The following ZFAT variants were observed in gnomAD, a reference collection of about 807,000 sequenced individuals.
ZFAT encodes the protein zinc finger and AT-hook domain containing, also known as zinc finger protein ZFAT.
Under a neutral mutation model 117.7 loss-of-function variants are expected in ZFAT, and 64 were observed. The ratio of observed to expected loss-of-function variants is 0.54; its 90% CI spans 0.44 to 0.67. ZFAT has a LOEUF of 0.67. Ranked by LOEUF, ZFAT falls within the 30% of genes least tolerant of loss-of-function variation. The pLI, the probability that ZFAT is intolerant of heterozygous loss-of-function variation, is 0.00. For synonymous variants in ZFAT, 679 were observed against 615.0 expected (o/e 1.10, Z -1.54); for missense variants, 1,433 against 1,584.5 (o/e 0.90, Z 1.62).
intron 15 of ZFAT, among the ~76,000 whole-genome samples, chr8:134,507,808 C>G (rs1414397126): frequency 6.6e-6 from 1 of 152,184 alleles, no homozygotes; most frequent in African/African-American, 2.4e-5. Context: ...CCTTCCTGCA[C>G]TCTCAAAAGG....
At chr8:134,487,472 T>C (rs1473600915) in intron 15 of ZFAT, among the ~76,000 whole-genome samples, 2 of 152,158 alleles carry the variant, frequency 1.3e-5, no homozygotes, top group South Asian at 2.1e-4. Flanking sequence ...CCTCAGCTAG[T>C]AACAGGTGAT....
At chr8:134,539,602 A>G (rs2130618228) in intron 11 of ZFAT, among the ~76,000 whole-genome samples, 1 of 152,340 alleles carries the variant, frequency 6.6e-6, no homozygotes, top group African/African-American at 2.4e-5. Flanking sequence ...ACAGAGATAG[A>G]CATACAGAAG....
At chr8:134,729,907 T>C in the ZFAT span, among the ~76,000 whole-genome samples, 1 of 152,240 alleles carries the variant, frequency 6.6e-6, no homozygotes, top group East Asian at 1.9e-4. Context: ...TGGATTTTTC[T>C]TTTGCAATAT....
chr8:134,546,193 T>C (rs1039269132), intron 11 of ZFAT, among the ~76,000 whole-genome samples: 2 of 152,238 alleles, frequency 1.3e-5, no homozygotes, highest in African/African-American at 2.4e-5. Flanking sequence ...TAGGAATTTC[T>C]CTCTAAAGAC....
At chr8:134,767,628 A>G in the ZFAT span, among the ~76,000 whole-genome samples, 103 of 152,270 alleles carry the variant, frequency 6.8e-4, 1 homozygote, top group African/African-American at 2.2e-3. Context: ...CTTGAGCCCA[A>G]GAATTTGAAA....
chr8:134,725,492 G>T, the ZFAT span, among the ~76,000 whole-genome samples: 1 of 152,032 alleles, frequency 6.6e-6, no homozygotes, highest in African/African-American at 2.4e-5. Flanking sequence ...ACGGGGAGAG[G>T]TGCTACACGC....
intron 1 of ZFAT, among the ~76,000 whole-genome samples, chr8:134,700,494 C>T (rs1004835278): frequency 6.6e-6 from 1 of 152,204 alleles, no homozygotes; most frequent in Non-Finnish European, 1.5e-5. Flanking sequence ...GCACCTCCAG[C>T]AGGAGAGCAG....
intron 15 of ZFAT, among the ~76,000 whole-genome samples, chr8:134,496,081 G>A (rs183595875): frequency 6.6e-6 from 1 of 152,346 alleles, no homozygotes; most frequent in African/African-American, 2.4e-5. Flanking sequence ...ACAGTAAGAG[G>A]AAAGGAGCTA....
At chr8:134,589,715 G>T (rs969365682) in intron 8 of ZFAT, among the ~76,000 whole-genome samples, 1 of 152,210 alleles carries the variant, frequency 6.6e-6, no homozygotes, top group Non-Finnish European at 1.5e-5. Flanking sequence ...CCAGAGGCAG[G>T]GCTCTGAGGA....
At chr8:134,745,092 C>A in the ZFAT span, among the ~76,000 whole-genome samples, 17 of 152,248 alleles carry the variant, frequency 1.1e-4, no homozygotes, top group East Asian at 2.7e-3. Context: ...TTTTGATTAA[C>A]CCTATGTCAC....
chr8:134,633,616 C>T (rs1297483908), intron 3 of ZFAT, among the ~76,000 whole-genome samples: 1 of 152,190 alleles, frequency 6.6e-6, no homozygotes, highest in Non-Finnish European at 1.5e-5. Flanking sequence ...CACAGCAAAG[C>T]AGTCAAAAGC....
the ZFAT span, among the ~76,000 whole-genome samples, chr8:134,811,596 T>G: frequency 2.6e-5 from 4 of 152,164 alleles, no homozygotes; most frequent in Non-Finnish European, 5.9e-5. Flanking sequence ...AAACACAGCA[T>G]CCAGAGTCTC....
At chr8:134,819,955 T>G in the ZFAT span, among the ~76,000 whole-genome samples, 1 of 152,126 alleles carries the variant, frequency 6.6e-6, no homozygotes, top group African/African-American at 2.4e-5. Flanking sequence ...CACATAGACA[T>G]GACAATGGGA....
intron 1 of ZFAT, among the ~76,000 whole-genome samples, chr8:134,683,919 T>C (rs1369709925): frequency 6.6e-6 from 1 of 151,858 alleles, no homozygotes; most frequent in East Asian, 1.9e-4. Flanking sequence ...AAGATTTTTC[T>C]GGGAAAGAAA....
the ZFAT span, among the ~76,000 whole-genome samples, chr8:134,734,134 G>A: frequency 6.6e-6 from 1 of 152,212 alleles, no homozygotes; most frequent in Admixed American, 6.5e-5. Flanking sequence ...CTTAGTCGGG[G>A]CACCGTCTGT....
chr8:134,779,650 T>C, the ZFAT span, among the ~76,000 whole-genome samples: 187 of 152,306 alleles, frequency 1.2e-3, no homozygotes, highest in Non-Finnish European at 1.9e-3. Context: ...TAAAAATCAT[T>C]GCCAAAAGAC....
At chr8:134,728,238 C>T in the ZFAT span, among the ~76,000 whole-genome samples, 1 of 151,976 alleles carries the variant, frequency 6.6e-6, no homozygotes, top group Non-Finnish European at 1.5e-5. Flanking sequence ...CTTCCATGAT[C>T]ACAGGGAGGA....
the ZFAT span, among the ~76,000 whole-genome samples, chr8:134,787,752 T>C: frequency 1.6e-4 from 24 of 152,192 alleles, no homozygotes; most frequent in Non-Finnish European, 3.4e-4. Flanking sequence ...CAGATTAATT[T>C]ACAAAATTGA....
intron 11 of ZFAT, among the ~76,000 whole-genome samples, chr8:134,544,810 G>C (rs1007273748): frequency 6.6e-6 from 1 of 152,150 alleles, no homozygotes; most frequent in African/African-American, 2.4e-5. Context: ...TGGCAACACG[G>C]AATGTTCACA....
Sources: gnomAD v4.1 joint callset for allele counts (sites outside exome capture counted in the v4.1 genomes callset) on GRCh38, gnomAD v4.1.1 for gene constraint, MANE v1.5 for transcripts, NCBI Gene and HGNC (gene_info 2026-07-23, HGNC 2026-07-21) for gene names.